Variants in IRS4 observed in about 807,000 individuals in gnomAD.
IRS4 encodes insulin receptor substrate 4.
IRS4 carries 15 observed loss-of-function variants against 48.6 expected under a neutral mutation model. The ratio of observed to expected loss-of-function variants is 0.31; its 90% CI spans 0.21 to 0.48. The LOEUF is 0.48. IRS4 is among the 20% of genes least tolerant of loss of function. The probability of loss-of-function intolerance (pLI) is 0.99; values close to 1 mark genes in which losing one functional copy is unlikely to be tolerated. For synonymous variants in IRS4, 459 were observed against 413.2 expected (o/e 1.11, Z -1.34); for missense variants, 987 against 1,023.4 (o/e 0.96, Z 0.49).
Position 108,736,225 on chromosome X carries a change from C to T in IRS4, c.120G>A (p.Pro40=), listed in dbSNP as rs1405858973. ...ACGACCCGGTCCCAATGAGTGCGGT[C>T]GGGGTTCCCGAGGAAAGAAGCGGGG... ...VTTPLLSSGT[P]TALIGTGSSC... Residue 40 remains proline (P), a synonymous_variant, in exon 1 of 2, where the codon CCG becomes CCA. Transcript: ENST00000372129. 1 of 1,210,703 alleles carries T rather than the reference C, an allele frequency of 8.3e-7. No homozygotes were observed. Among genetic ancestry groups the T allele is most frequent in the Admixed American group, 2.2e-5 (1 of 46,091 alleles).
At chrX:108,724,892 G>T (rs1429404559) in intron 1 of IRS4, 4 of 111,506 alleles carry the variant, frequency 3.6e-5, no homozygotes, top group Non-Finnish European at 7.5e-5. Context: ...TTTTTAATGG[G>T]TGGTATACTC....
chrX:108,736,523 C>A lies in IRS4; in HGVS notation c.-179G>T. 1 of 775,349 alleles carries A rather than the reference C, an allele frequency of 1.3e-6. No homozygotes were observed. Among genetic ancestry groups the A allele is most frequent in the Non-Finnish European group, 1.8e-6 (1 of 543,446 alleles). 63.9% of individuals were successfully genotyped at this position (775,349 alleles called of 1,213,427 possible). Reference sequence around the variant, plus strand: ...CGGGCAAAACAACACGTGACCACAGCCTCACGCGGCGGCCGCTGCGGATCC... The same window carrying A: ...CGGGCAAAACAACACGTGACCACAGACTCACGCGGCGGCCGCTGCGGATCC... On this transcript the variant is annotated 5_prime_UTR_variant, in exon 1 of 2. Coordinates refer to ENST00000372129, the MANE Select transcript of IRS4 (RefSeq NM_001379150.1).
At position 108,736,397 on chromosome X, in the gene IRS4, G is replaced by A. The variant is rs1471789585; in HGVS notation, c.-53C>T. 1.4e-5 allele frequency: 17 copies of A among 1,201,009 alleles called. No individual in the cohort carries two copies. Among genetic ancestry groups the A allele is most frequent in the Non-Finnish European group, 1.8e-5 (16 of 891,481 alleles). On this transcript the variant is annotated 5_prime_UTR_variant, in exon 1 of 2. Transcript: ENST00000372129. Reference sequence around the variant, plus strand: ...CGAGGAGGAGGGGGAATTCAGGAAAGGGAGGGTTGGGGGAAGAGGCTGTCT... The same window carrying A: ...CGAGGAGGAGGGGGAATTCAGGAAAAGGAGGGTTGGGGGAAGAGGCTGTCT...
chrX:108,732,944 A>C lies in IRS4; in HGVS notation c.3401T>G (p.Val1134Gly). Residue 1134 changes from valine to glycine, a missense_variant, in exon 1 of 2, where the codon GTA becomes GGA. Transcript: ENST00000372129. ...TGCGGCGAGCGCGGAGGCCGCAGCT[A>C]CAACTTGGCTGAGGGCTAAAGTCGG... ...AEPTLALSQV[V>G]AAASALAAAP... The C allele has an allele frequency of 8.4e-7, 1 of 1,191,074 alleles. No individual in the cohort carries two copies. Among genetic ancestry groups the C allele is most frequent in the Non-Finnish European group, 1.1e-6 (1 of 882,518 alleles).
chrX:108,730,529 C>G (rs982427505), intron 1 of IRS4, among the ~76,000 whole-genome samples: 1 of 111,803 alleles, frequency 8.9e-6, no homozygotes, highest in Non-Finnish European at 1.9e-5. Context: ...AGTGCTTCCA[C>G]GTTGATTCTC....
chrX:108,736,393 G>A lies in IRS4; in HGVS notation c.-49C>T. ...TGAGCGAGGAGGAGGGGGAATTCAG[G>A]AAAGGGAGGGTTGGGGGAAGAGGCT... On this transcript the variant is annotated 5_prime_UTR_variant, in exon 1 of 2. Coordinates refer to ENST00000372129, the MANE Select transcript of IRS4 (RefSeq NM_001379150.1). The A allele has an allele frequency of 8.3e-7, 1 of 1,205,502 alleles. No homozygotes were observed. The highest frequency in any genetic ancestry group is 1.1e-6 in the Non-Finnish European group (1 of 893,144).
intron 1 of IRS4, chrX:108,726,793 A>G (rs985670549): frequency 5.3e-5 from 6 of 112,278 alleles, no homozygotes; most frequent in African/African-American, 1.9e-4. Flanking sequence ...GGCATCAAAC[A>G]TATTGTGATC....
Position 108,736,527 on chromosome X carries a change from A to T in IRS4, c.-183T>A. On this transcript the variant is annotated 5_prime_UTR_variant, in exon 1 of 2. Coordinates refer to ENST00000372129, the MANE Select transcript of IRS4 (RefSeq NM_001379150.1). ...CAAAACAACACGTGACCACAGCCTC[A>T]CGCGGCGGCCGCTGCGGATCCTGCT... The T allele has an allele frequency of 1.3e-6, 1 of 755,563 alleles. No individual in the cohort carries two copies. Among genetic ancestry groups the T allele is most frequent in the Non-Finnish European group, 1.9e-6 (1 of 526,069 alleles). 62.3% of individuals were successfully genotyped at this position (755,563 alleles called of 1,213,427 possible).
At position 108,735,702 on chromosome X, in the gene IRS4, C is replaced by G. The variant is rs760832986; in HGVS notation, c.643G>C (p.Gly215Arg). Residue 215 changes from glycine to arginine, a missense_variant, in exon 1 of 2, where the codon GGA becomes CGA. Gly to Arg is a moderately radical substitution (Grantham distance 125). This residue lies in a region of IRS4 where 173 missense variants were observed against 208.9 expected (regional missense o/e 0.83). Coordinates refer to ENST00000372129, the MANE Select transcript of IRS4 (RefSeq NM_001379150.1). Reference sequence around the variant, plus strand: ...GCCGCCGCCAGCGCGGCCGGCTCTCCGTCCGGCTGCGCGCCGAGCGTGCCG... The same window carrying G: ...GCCGCCGCCAGCGCGGCCGGCTCTCGGTCCGGCTGCGCGCCGAGCGTGCCG... ...RCGTLGAQPD[G>R]EPAALAAAAA... is the part of the protein sequence containing the mutation. 2.6e-6 allele frequency: 3 copies of G among 1,173,835 alleles called. No homozygotes were observed. The highest frequency in any genetic ancestry group is 2.3e-6 in the Non-Finnish European group (2 of 877,537).
At chrX:108,732,464 C>G in intron 1 of IRS4, 115 bp downstream of exon 1, 1 of 1,155,521 alleles carries the variant, frequency 8.7e-7, no homozygotes, top group South Asian at 1.8e-5. Flanking sequence ...TTCTATACTC[C>G]ATGTCGAATA....
chrX:108,721,151 C>T lies in IRS4; in HGVS notation c.*1368G>A, dbSNP rs2068854623. The T allele has an allele frequency of 8.9e-6, 1 of 112,660 alleles. No individual in the cohort carries two copies. Among genetic ancestry groups the T allele is most frequent in the African/African-American group, 3.2e-5 (1 of 31,020 alleles). 9.3% of individuals were successfully genotyped at this position (112,660 alleles called of 1,213,427 possible). A position where few individuals can be genotyped will look rare whatever the true frequency, so the allele number is the denominator to read the frequency against. On this transcript the variant is annotated 3_prime_UTR_variant, in exon 2 of 2. Coordinates refer to ENST00000372129, the MANE Select transcript of IRS4 (RefSeq NM_001379150.1). Reference sequence around the variant, plus strand: ...ATACACACGAATATGTACACACACACACTAGTGCTCACACACATACAAACA... The same window carrying T: ...ATACACACGAATATGTACACACACATACTAGTGCTCACACACATACAAACA...
intron 1 of IRS4, chrX:108,723,988 G>A (rs2068864845): frequency 8.9e-6 from 1 of 112,036 alleles, no homozygotes. Context: ...AGATATTTAA[G>A]GTTAGGAAGG....
At chrX:108,729,418 GT>G (rs1354374675) in intron 1 of IRS4, among the ~76,000 whole-genome samples, 1 of 109,880 alleles carries the variant, frequency 9.1e-6, no homozygotes, top group East Asian at 2.8e-4. Context: ...CCAGGAAAAT[GT>G]TCACCTCAAG....
chrX:108,735,967 C>T lies in IRS4; in HGVS notation c.378G>A (p.Ala126=), dbSNP rs760593078. The change falls in exon 1 of 2, where the codon GCG becomes GCA. Residue 126 remains alanine (A), a synonymous_variant. Transcript: ENST00000372129. ...RKFRHSVRAA[A]AAAAAAASGA... is the part of the protein sequence containing the mutation. ...CAGAGGCGGCCGCCGCTGCTGCAGC[C>T]GCCGCGGCGCGGACACTGTGCCGGA... 4 of 1,207,492 alleles carry T rather than the reference C, an allele frequency of 3.3e-6. No homozygotes were observed. Among genetic ancestry groups the T allele is most frequent in the Non-Finnish European group, 4.5e-6 (4 of 893,614 alleles).
chrX:108,735,748 G>C lies in IRS4; in HGVS notation c.597C>G (p.Leu199=), dbSNP rs865962117. 5.8e-6 allele frequency: 7 copies of C among 1,196,922 alleles called. No homozygotes were observed. In the Middle Eastern group the frequency reaches 9.3e-4, roughly 160 times the overall value. The part of the protein sequence containing the change: ...SWYLLLSRLI[L]ESKRRRCGTL... ...TGCCGCAGCGGCGGCGCTTGCTCTCGAGGATGAGGCGGCTGAGCAGCAAGT... is the reference window on the plus strand; with the variant it reads ...TGCCGCAGCGGCGGCGCTTGCTCTCCAGGATGAGGCGGCTGAGCAGCAAGT... Residue 199 remains leucine, a synonymous_variant, in exon 1 of 2, where the codon CTC becomes CTG. Coordinates refer to ENST00000372129, the MANE Select transcript of IRS4 (RefSeq NM_001379150.1).
intron 1 of IRS4, among the ~76,000 whole-genome samples, chrX:108,729,899 T>A (rs1390406058): frequency 8.9e-6 from 1 of 111,996 alleles, no homozygotes; most frequent in Non-Finnish European, 1.9e-5. Flanking sequence ...TTAATTTAGG[T>A]TTGTTTTTCT....
rs191915193 is a variant in IRS4, at chrX:108,730,388, T to C, written c.3766+2191A>G. 1.0e-3 allele frequency among the ~76,000 whole-genome samples: 107 copies of C among 103,432 alleles called. 3 individuals are homozygous for C. The East Asian group carries it at 0.031, about 30-fold the overall frequency. The allele number at this position is 103,432 out of a possible 115,157, so 89.8% of individuals were successfully genotyped here. A position where few individuals can be genotyped will look rare whatever the true frequency, so the allele number is the denominator to read the frequency against. ...CTTTCATGTATTTCAGCAAATTATG[T>C]GCAGGAATCACCCTCAAGATCAATT... On this transcript the variant is annotated intron_variant, in intron 1 of 1. Coordinates refer to ENST00000372129, the MANE Select transcript of IRS4 (RefSeq NM_001379150.1).
Position 108,734,418 on chromosome X carries a change from T to C in IRS4, c.1927A>G (p.Thr643Ala), listed in dbSNP as rs113582780. The change falls in exon 1 of 2, where the codon ACT (threonine) becomes GCT (alanine). Residue 643 changes from threonine to alanine, a missense_variant. Physicochemically the swap from Thr to Ala is moderately conservative, Grantham distance 58. Transcript: ENST00000372129. Reference sequence around the variant, plus strand: ...CCCCCAGACTTCCCTTTTCCACCAGTTCCTCCAGCTGGTGGGGGTGGAGGA... The same window carrying C: ...CCCCCAGACTTCCCTTTTCCACCAGCTCCTCCAGCTGGTGGGGGTGGAGGA... ...PPPPPPPAGG[T>A]GGKGKSGGRF... is the part of the protein sequence containing the mutation. The C allele has an allele frequency of 2.3e-5, 28 of 1,209,905 alleles. No individual in the cohort carries two copies. The African/African-American group carries it at 3.3e-4, about 14-fold the overall frequency.
At chrX:108,726,975 A>G (rs1439492461) in intron 1 of IRS4, 1 of 111,887 alleles carries the variant, frequency 8.9e-6, no homozygotes, top group African/African-American at 3.2e-5. Flanking sequence ...ACATCTGGCG[A>G]AGCCCTCTAT....
Sources: allele counts gnomAD v4.1 joint callset (sites outside exome capture counted in the v4.1 genomes callset), GRCh38; gene constraint gnomAD v4.1.1; regional missense constraint gnomAD v4.1.1; transcripts MANE v1.5; gene names NCBI Gene and HGNC (gene_info 2026-07-23, HGNC 2026-07-21).